Variants in PELI2 observed in about 807,000 individuals in gnomAD.
The protein encoded by PELI2 is E3 ubiquitin-protein ligase pellino homolog 2.
In PELI2, 23 loss-of-function variants were observed where a neutral mutation model predicts 42.3. The observed-to-expected ratio is 0.54, with a 90% CI of 0.39 to 0.77. The LOEUF is 0.77. PELI2 is among the 30% of genes least tolerant of loss of function. PELI2 has a pLI of 0.00. For missense variants in PELI2, 463 were observed against 553.2 expected, an observed-to-expected ratio of 0.84 and a Z score of 1.64; for synonymous variants, 245 against 212.2, an observed-to-expected ratio of 1.15 and a Z score of -1.34.
intron 2 of PELI2, among the ~76,000 whole-genome samples, chr14:56,266,823 TTAAA>T (rs1240216618): frequency 1.3e-5 from 2 of 152,142 alleles, no homozygotes; most frequent in East Asian, 3.9e-4. Context: ...AAAATAAAAT[TTAAA>T]TAATTTAATG....
chr14:56,274,139 G>A (rs1889205910), intron 2 of PELI2, among the ~76,000 whole-genome samples: 1 of 152,166 alleles, frequency 6.6e-6, no homozygotes, highest in African/African-American at 2.4e-5. Context: ...GAGGAGAGTG[G>A]GAGAGCTAGC....
At chr14:56,138,519 TTTA>T (rs768458106) in intron 1 of PELI2, among the ~76,000 whole-genome samples, 41 of 152,190 alleles carry the variant, frequency 2.7e-4, no homozygotes, top group Non-Finnish European at 4.7e-4. Context: ...AGTATCTACC[TTTA>T]TTAGACTATG....
chr14:56,276,206 C>T (rs746716943), intron 2 of PELI2, among the ~76,000 whole-genome samples: 1 of 152,186 alleles, frequency 6.6e-6, no homozygotes, highest in Admixed American at 6.6e-5. Context: ...CAGGTTTAAA[C>T]TCTTCTTTAA....
chr14:56,152,419 T>A (rs1292871612), intron 1 of PELI2, among the ~76,000 whole-genome samples: 2 of 152,152 alleles, frequency 1.3e-5, no homozygotes, highest in Admixed American at 1.3e-4. Flanking sequence ...ATTATTCTAC[T>A]AAAAGGAAGA....
At chr14:56,169,234 C>A (rs548081159) in intron 1 of PELI2, among the ~76,000 whole-genome samples, 1 of 152,246 alleles carries the variant, frequency 6.6e-6, no homozygotes, top group Admixed American at 6.5e-5. Context: ...CCGCCAAGCC[C>A]ACGGTCTCTG....
At chr14:56,173,784 A>T (rs1885266349) in intron 1 of PELI2, among the ~76,000 whole-genome samples, 1 of 152,142 alleles carries the variant, frequency 6.6e-6, no homozygotes, top group Non-Finnish European at 1.5e-5. Context: ...ATCACTTGCC[A>T]TTGGATTTAG....
intron 1 of PELI2, among the ~76,000 whole-genome samples, chr14:56,175,614 A>G (rs1885346750): frequency 6.6e-6 from 1 of 152,216 alleles, no homozygotes; most frequent in Non-Finnish European, 1.5e-5. Context: ...TAGATGTATT[A>G]AGTAAGTAGG....
At chr14:56,170,242 C>G (rs568186550) in intron 1 of PELI2, among the ~76,000 whole-genome samples, 1 of 152,324 alleles carries the variant, frequency 6.6e-6, no homozygotes, top group South Asian at 2.1e-4. Context: ...GATGCTGATG[C>G]AACCTCCACT....
chr14:56,207,503 G>GTATA (rs1555347563), intron 2 of PELI2, among the ~76,000 whole-genome samples: 49 of 152,126 alleles, frequency 3.2e-4, no homozygotes, highest in Admixed American at 3.2e-3. Flanking sequence ...TATTATTGGG[G>GTATA]TATATTAGGA....
chr14:56,273,167 C>T lies in PELI2; in HGVS notation c.208-6509C>T, dbSNP rs548756818. Among the ~76,000 whole-genome samples, 1 of 152,338 alleles carries T rather than the reference C, an allele frequency of 6.6e-6. No individual in the cohort carries two copies. The highest frequency in any genetic ancestry group is 1.9e-4 in the East Asian group (1 of 5,186). On this transcript the variant is annotated intron_variant, in intron 2 of 5. Transcript: ENST00000267460. This position sits in a 1 kb window ranked among gnomAD's most constrained non-coding sequence, Gnocchi z 4.3. ...ACTCTCACAGAGGCTTCTCCATGCA[C>T]ATGTCTGCATCTTGGTGCTCCCAGG...
At chr14:56,187,720 CTT>C (rs1885817137) in intron 2 of PELI2, among the ~76,000 whole-genome samples, 1 of 152,142 alleles carries the variant, frequency 6.6e-6, no homozygotes, top group Non-Finnish European at 1.5e-5. Context: ...TTTATAAGCT[CTT>C]TGTTGATCAT....
chr14:56,144,924 CT>C, intron 1 of PELI2: 1 of 965,300 alleles, frequency 1.0e-6, no homozygotes, highest in Non-Finnish European at 1.2e-6. Context: ...TGACTTTACT[CT>C]TTGCCGGTGT....
At chr14:56,151,664 C>A (rs893441175) in intron 1 of PELI2, among the ~76,000 whole-genome samples, 1 of 152,094 alleles carries the variant, frequency 6.6e-6, no homozygotes, top group Non-Finnish European at 1.5e-5. Flanking sequence ...CAGGGCCTCC[C>A]CTATAAGTTT....
chr14:56,290,282 G>A lies in PELI2; in HGVS notation c.522G>A (p.Lys174=), dbSNP rs773345549. 6 of 1,593,252 alleles carry A rather than the reference G, an allele frequency of 3.8e-6. No individual in the cohort carries two copies. Among genetic ancestry groups the A allele is most frequent in the Admixed American group, 1.7e-5 (1 of 58,396 alleles). ...GTTCTCTCCAGGAAAAGGCAGCAAA[G>A]TGGAAAAACCCCGACGGCCACATGG... is the stretch of plus-strand genomic sequence containing the variant. The part of the protein sequence containing the change: ...KNIFLGEKAA[K]WKNPDGHMDG... Residue 174 remains lysine (K), a synonymous_variant, in exon 5 of 6, where the codon AAG becomes AAA. Transcript: ENST00000267460.
intron 1 of PELI2, among the ~76,000 whole-genome samples, chr14:56,172,211 C>CCTGGTGGTCATCAGCTGGT (rs1255768323): frequency 1.3e-5 from 2 of 152,120 alleles, no homozygotes; most frequent in African/African-American, 2.4e-5. Context: ...GCTGAGGTTA[C>CCTGGTGGTCATCAGCTGGT]CTGGTGGTCA....
intron 2 of PELI2, among the ~76,000 whole-genome samples, chr14:56,217,131 C>G (rs1422644358): frequency 6.6e-6 from 1 of 152,178 alleles, no homozygotes. Flanking sequence ...AGTTGCATCT[C>G]TCATCTGAGG....
chr14:56,180,674 G>A lies in PELI2; in HGVS notation c.207+2210G>A, dbSNP rs1885546446. Among the ~76,000 whole-genome samples, 1 of 151,974 alleles carries A rather than the reference G, an allele frequency of 6.6e-6. No individual in the cohort carries two copies. Among genetic ancestry groups the A allele is most frequent in the African/African-American group, 2.4e-5 (1 of 41,338 alleles). ...ACTCTCGTCCCGGCCAGCTGTACCC[G>A]GCCACTCCTGCTGCTTGGTTTGCTC... On this transcript the variant is annotated intron_variant, in intron 2 of 5. Transcript: ENST00000267460. The surrounding 1 kb of genome is among the most constrained non-coding windows in gnomAD (Gnocchi z 4.4).
chr14:56,174,937 C>G (rs1452339873), intron 1 of PELI2, among the ~76,000 whole-genome samples: 4 of 152,166 alleles, frequency 2.6e-5, no homozygotes, highest in Non-Finnish European at 1.5e-5. Context: ...GTGTAGTCCT[C>G]CTTGCCTTGC....
chr14:56,189,664 T>C (rs1885890631), intron 2 of PELI2, among the ~76,000 whole-genome samples: 1 of 152,224 alleles, frequency 6.6e-6, no homozygotes, highest in South Asian at 2.1e-4. Context: ...AAGTTATACA[T>C]AGGTGTAGGA....
Sources: gnomAD v4.1 joint callset for allele counts (sites outside exome capture counted in the v4.1 genomes callset) on GRCh38, gnomAD v4.1.1 for gene constraint, Gnocchi (gnomAD v3.1) non-coding constraint, MANE v1.5 for transcripts, NCBI Gene and HGNC (gene_info 2026-07-23, HGNC 2026-07-21) for gene names.